Variants in KLF8 observed in about 807,000 individuals in gnomAD.
KLF8 encodes Krueppel-like factor 8.
A neutral mutation model predicts 18.2 loss-of-function variants in KLF8; 10 were observed. The observed-to-expected ratio is 0.55, with a 90% CI of 0.34 to 0.93. The LOEUF is 0.93. KLF8 is among the 40% of genes least tolerant of loss of function. KLF8 has a pLI of 0.02. For synonymous variants in KLF8, 109 were observed against 97.3 expected, an observed-to-expected ratio of 1.12 and a Z score of -0.71; for missense variants, 264 against 277.9, an observed-to-expected ratio of 0.95 and a Z score of 0.36.
chrX:55,940,476 G>T, the KLF8 span, among the ~76,000 whole-genome samples: 4 of 111,664 alleles, frequency 3.6e-5, no homozygotes, highest in African/African-American at 1.3e-4. Context: ...ACAAAACAGG[G>T]ATGCCCTCTT....
intron 1 of KLF8, among the ~76,000 whole-genome samples, chrX:56,233,941 C>T (rs1404271179): frequency 1.8e-5 from 2 of 111,499 alleles, no homozygotes; most frequent in African/African-American, 3.3e-5. Flanking sequence ...GGCTCTGCTC[C>T]GGCCCTTTAA....
At chrX:56,025,058 T>C in the KLF8 span, among the ~76,000 whole-genome samples, 1 of 112,506 alleles carries the variant, frequency 8.9e-6, no homozygotes, top group Non-Finnish European at 1.9e-5. Context: ...AGGAACTGGG[T>C]CCGTAGGGAC....
the KLF8 span, among the ~76,000 whole-genome samples, chrX:56,091,979 G>GT: frequency 0.047 from 3,799 of 80,962 alleles, 89 homozygotes; most frequent in Admixed American, 0.096. Context: ...AACATCTATT[G>GT]TTTTTTTTTT....
chrX:56,177,252 G>A, the KLF8 span, among the ~76,000 whole-genome samples: 5 of 111,005 alleles, frequency 4.5e-5, no homozygotes, highest in African/African-American at 1.6e-4. Flanking sequence ...TTTGGTCTTT[G>A]ATGATGGTGA....
the KLF8 span, among the ~76,000 whole-genome samples, chrX:56,194,562 C>A: frequency 1.8e-5 from 2 of 112,513 alleles, no homozygotes; most frequent in East Asian, 2.8e-4. Context: ...CCTGGATGCT[C>A]GAACTGGGCA....
chrX:56,207,343 C>T, the KLF8 span, among the ~76,000 whole-genome samples: 22 of 112,347 alleles, frequency 2.0e-4, no homozygotes, highest in Non-Finnish European at 3.6e-4. Flanking sequence ...GCAAATTTTT[C>T]AAAATTTTAT....
At chrX:56,138,876 C>T in the KLF8 span, among the ~76,000 whole-genome samples, 3 of 110,869 alleles carry the variant, frequency 2.7e-5, no homozygotes, top group African/African-American at 6.6e-5. Flanking sequence ...AGAAATCAAA[C>T]CATCTCTTTT....
the KLF8 span, among the ~76,000 whole-genome samples, chrX:55,957,812 T>A: frequency 6.3e-5 from 7 of 111,554 alleles, no homozygotes; most frequent in African/African-American, 2.3e-4. Context: ...AATTTATCAA[T>A]TTTGGGAATA....
chrX:56,243,242 C>G (rs980281786), intron 1 of KLF8: 1 of 444,617 alleles, frequency 2.2e-6, no homozygotes, highest in African/African-American at 2.4e-5. Context: ...GGGCTGCCTA[C>G]AGAGTCGCAG....
chrX:56,063,069 C>A, the KLF8 span, among the ~76,000 whole-genome samples: 1 of 110,991 alleles, frequency 9.0e-6, no homozygotes, highest in African/African-American at 3.3e-5. Context: ...TTCCTCTAAC[C>A]TTGTTTCAAG....
the KLF8 span, among the ~76,000 whole-genome samples, chrX:56,097,513 TTTA>T: frequency 1.3e-3 from 142 of 106,195 alleles, no homozygotes; most frequent in Middle Eastern, 9.8e-3. Flanking sequence ...CAATCACTCT[TTTA>T]TTATTATTAT....
the KLF8 span, among the ~76,000 whole-genome samples, chrX:56,210,700 G>C: frequency 9.1e-6 from 1 of 109,568 alleles, no homozygotes; most frequent in African/African-American, 3.3e-5. Flanking sequence ...CTATTTTTTA[G>C]ATCCTGAGGC....
At chrX:56,019,899 G>A in the KLF8 span, among the ~76,000 whole-genome samples, 58,286 of 110,150 alleles carry the variant, frequency 0.53, 13,675 homozygotes, top group East Asian at 0.75. Context: ...TAAGTTTGGA[G>A]GCCTGTGAGG....
At chrX:56,274,647 C>A in intron 5 of KLF8, among the ~76,000 whole-genome samples, 1 of 112,011 alleles carries the variant, frequency 8.9e-6, no homozygotes, top group Admixed American at 9.5e-5. Context: ...AGATCTTAGA[C>A]ATAAGCCTTT....
At chrX:56,054,017 G>A in the KLF8 span, among the ~76,000 whole-genome samples, 1 of 110,545 alleles carries the variant, frequency 9.0e-6, no homozygotes, top group Non-Finnish European at 1.9e-5. Context: ...TCTGATTTTG[G>A]TTATTTCTTG....
At chrX:56,135,514 A>G in the KLF8 span, among the ~76,000 whole-genome samples, 1 of 110,312 alleles carries the variant, frequency 9.1e-6, no homozygotes. Context: ...GAACACATGG[A>G]CACAGGAAGG....
the KLF8 span, among the ~76,000 whole-genome samples, chrX:56,053,656 G>A: frequency 1.9e-5 from 2 of 106,563 alleles, no homozygotes; most frequent in Non-Finnish European, 3.9e-5. Flanking sequence ...TTAATTGGTA[G>A]GCTATTTATT....
chrX:55,947,117 C>T, the KLF8 span, among the ~76,000 whole-genome samples: 2 of 111,048 alleles, frequency 1.8e-5, no homozygotes, highest in Non-Finnish European at 1.9e-5. Flanking sequence ...TACCATTTGA[C>T]CCAGCCATCC....
the KLF8 span, among the ~76,000 whole-genome samples, chrX:55,967,281 C>A: frequency 4.5e-5 from 5 of 111,275 alleles, no homozygotes; most frequent in East Asian, 1.4e-3. Context: ...GAACACAAAG[C>A]AGATTTAACC....
Sources: allele counts gnomAD v4.1 joint callset (sites outside exome capture counted in the v4.1 genomes callset), GRCh38; gene constraint gnomAD v4.1.1; transcripts MANE v1.5; gene names NCBI Gene and HGNC (gene_info 2026-07-23, HGNC 2026-07-21).